The following RIMKLA variants were observed in gnomAD, a reference collection of about 807,000 sequenced individuals.
The protein encoded by RIMKLA is ribosomal modification protein rimK like family member A, also known as N-acetylaspartylglutamate synthase A.
Under a neutral mutation model 32.7 loss-of-function variants are expected in RIMKLA, and 14 were observed. That is an observed-to-expected ratio of 0.43 (90% CI 0.28 to 0.67). The LOEUF (loss-of-function observed/expected upper bound fraction) is 0.67, where lower values mean the gene tolerates loss of function less well. Ranked by LOEUF, RIMKLA falls within the 30% of genes least tolerant of loss-of-function variation. The pLI, the probability that RIMKLA is intolerant of heterozygous loss-of-function variation, is 0.18. For synonymous variants in RIMKLA, 176 were observed against 204.1 expected (o/e 0.86, Z 1.18); for missense variants, 410 against 519.0 (o/e 0.79, Z 2.04).
intron 1 of RIMKLA, among the ~76,000 whole-genome samples, chr1:42,398,274 G>A (rs1488204723): frequency 1.3e-5 from 2 of 152,174 alleles, no homozygotes; most frequent in African/African-American, 4.8e-5. Flanking sequence ...CTGTGCTCCT[G>A]TTCCTCTGAG....
intron 3 of RIMKLA, among the ~76,000 whole-genome samples, chr1:42,406,405 T>C (rs1483942513): frequency 6.6e-6 from 1 of 152,226 alleles, no homozygotes; most frequent in African/African-American, 2.4e-5. Flanking sequence ...TGGCAACCAC[T>C]GACCTATTAT....
chr1:42,409,787 G>C (rs1185196396), intron 3 of RIMKLA, among the ~76,000 whole-genome samples, 197 bp from the exon 4 acceptor site: 1 of 152,170 alleles, frequency 6.6e-6, no homozygotes, highest in Non-Finnish European at 1.5e-5. Context: ...GAGGGTATTA[G>C]GACCTGAGGA....
chr1:42,386,713 TAA>T (rs34046316), intron 1 of RIMKLA, among the ~76,000 whole-genome samples: 96 of 139,984 alleles, frequency 6.9e-4, no homozygotes, highest in Non-Finnish European at 6.2e-4. Flanking sequence ...CCGTCTCTAC[TAA>T]AAAAAAAAAA....
chr1:42,384,417 G>A (rs1642916400), intron 1 of RIMKLA, among the ~76,000 whole-genome samples: 1 of 150,802 alleles, frequency 6.6e-6, no homozygotes, highest in Non-Finnish European at 1.5e-5. Context: ...TCAACCCTAG[G>A]GATAAAGTGA....
intron 1 of RIMKLA, among the ~76,000 whole-genome samples, chr1:42,385,438 G>A (rs868756873): frequency 6.6e-5 from 10 of 152,120 alleles, no homozygotes; most frequent in African/African-American, 2.4e-4. Context: ...TTGTGTTACT[G>A]TTTGTCTCTT....
Position 42,381,055 on chromosome 1 carries a change from C to A in RIMKLA, c.121C>A (p.Leu41Ile). 7.6e-7 allele frequency: 1 copy of A among 1,314,798 alleles called. No homozygotes were observed. The highest frequency in any genetic ancestry group is 2.0e-5 in the South Asian group (1 of 49,730). The allele number at this position is 1,314,798 out of a possible 1,614,324, so 81.4% of individuals were successfully genotyped here. A position where few individuals can be genotyped will look rare whatever the true frequency, so the allele number is the denominator to read the frequency against. The change falls in exon 1 of 5, where the codon CTT becomes ATT. Residue 41 changes from leucine to isoleucine, a missense_variant. By Grantham distance (5) the Leu-to-Ile change is conservative. Coordinates refer to ENST00000431473, the MANE Select transcript of RIMKLA (RefSeq NM_173642.4). ...GCAGGACGTGCGCTTCCGGGCGGTGCTTATGGACCAGATCGCCGTCACCAT... is the reference window on the plus strand; with the variant it reads ...GCAGGACGTGCGCTTCCGGGCGGTGATTATGGACCAGATCGCCGTCACCAT... Reference protein sequence around the residue: ...SEQDVRFRAVLMDQIAVTIVG... With the variant: ...SEQDVRFRAVIMDQIAVTIVG...
intron 1 of RIMKLA, among the ~76,000 whole-genome samples, chr1:42,393,347 G>A (rs1204531597): frequency 6.6e-6 from 1 of 152,204 alleles, no homozygotes; most frequent in Non-Finnish European, 1.5e-5. Context: ...GCATATTTAA[G>A]TTGTGTATCT....
At chr1:42,387,034 T>G (rs1040038419) in intron 1 of RIMKLA, among the ~76,000 whole-genome samples, 3 of 150,834 alleles carry the variant, frequency 2.0e-5, no homozygotes, top group African/African-American at 7.3e-5. Context: ...GCCATTGCCC[T>G]CTACCCTGGG....
At chr1:42,400,551 A>G (rs1355872251) in intron 2 of RIMKLA, among the ~76,000 whole-genome samples, 2 of 152,244 alleles carry the variant, frequency 1.3e-5, no homozygotes, top group Non-Finnish European at 2.9e-5. Flanking sequence ...ATTGATTTAT[A>G]TGAAGAGTTT....
At chr1:42,396,944 G>A (rs984277696) in intron 1 of RIMKLA, among the ~76,000 whole-genome samples, 5 of 152,100 alleles carry the variant, frequency 3.3e-5, no homozygotes, top group Admixed American at 6.6e-5. Flanking sequence ...CTACACATGG[G>A]TTACTTTTAC....
intron 2 of RIMKLA, among the ~76,000 whole-genome samples, chr1:42,401,202 C>T (rs79232974): frequency 0.045 from 6,795 of 152,176 alleles, 462 homozygotes; most frequent in African/African-American, 0.15. Flanking sequence ...CTAATGCCGC[C>T]ACTGATCTGA....
At chr1:42,383,440 C>T (rs913241802) in intron 1 of RIMKLA, among the ~76,000 whole-genome samples, 1 of 152,132 alleles carries the variant, frequency 6.6e-6, no homozygotes, top group African/African-American at 2.4e-5. Flanking sequence ...ATAATAGTGG[C>T]CAGAATAGTG....
chr1:42,385,717 CTCTTTCTTTCTTTCTTTCTT>C (rs35500484), intron 1 of RIMKLA, among the ~76,000 whole-genome samples: 2,085 of 109,118 alleles, frequency 0.019, 65 homozygotes, highest in African/African-American at 0.039. Context: ...TTCTTTCCTT[CTCTTTCTTTCTTTCTTTCTT>C]TCTTTCTTTC....
At position 42,414,810 on chromosome 1, in the gene RIMKLA, A is replaced by C; in HGVS notation, c.1012A>C (p.Ser338Arg). 1 of 1,614,188 alleles carries C rather than the reference A, an allele frequency of 6.2e-7. No individual in the cohort carries two copies. Among genetic ancestry groups the C allele is most frequent in the Non-Finnish European group, 8.5e-7 (1 of 1,180,022 alleles). ...GCASAQGVAE[S>R]VYTINSGSTS... Reference sequence around the variant, plus strand: ...TGCTTCAGCTCAGGGAGTTGCAGAGAGCGTCTATACCATCAACAGTGGGTC... The same window carrying C: ...TGCTTCAGCTCAGGGAGTTGCAGAGCGCGTCTATACCATCAACAGTGGGTC... The change falls in exon 5 of 5, where the codon AGC (serine) becomes CGC (arginine). Residue 338 changes from serine (S) to arginine (R), a missense_variant. By Grantham distance (110) the Ser-to-Arg change is moderately radical. Coordinates refer to ENST00000431473, the MANE Select transcript of RIMKLA (RefSeq NM_173642.4).
chr1:42,383,082 C>T (rs112687107), intron 1 of RIMKLA, among the ~76,000 whole-genome samples: 2,939 of 151,314 alleles, frequency 0.019, 98 homozygotes, highest in African/African-American at 0.067. Flanking sequence ...GACAGAGTTT[C>T]ACCATGTTGG....
At chr1:42,386,910 A>AATAG (rs1642953814) in intron 1 of RIMKLA, among the ~76,000 whole-genome samples, 2 of 144,548 alleles carry the variant, frequency 1.4e-5, no homozygotes, top group African/African-American at 5.1e-5. Flanking sequence ...TAAATAAATA[A>AATAG]ATAAATATTA....
Position 42,411,494 on chromosome 1 carries a change from T to G in RIMKLA, c.685+1307T>G, listed in dbSNP as rs1437475376. On this transcript the variant is annotated intron_variant, in intron 4 of 4. Coordinates refer to ENST00000431473, the MANE Select transcript of RIMKLA (RefSeq NM_173642.4). ...TTTCTTTTTTTTGAGACAGTCTTGC[T>G]CTGTTGCACAGGCCAGAATGCAGTG... Among the ~76,000 whole-genome samples the G allele has an allele frequency of 3.3e-5, 5 of 151,136 alleles. 1 individual carries two copies. Among genetic ancestry groups the G allele is most frequent in the African/African-American group, 4.9e-5 (2 of 41,118 alleles).
At position 42,385,838 on chromosome 1, in the gene RIMKLA, TTCTTTC is replaced by T. The variant is rs771091918; in HGVS notation, c.163+4749_163+4754del. Among the ~76,000 whole-genome samples the T allele has an allele frequency of 7.2e-5, 5 of 69,490 alleles. 1 individual carries two copies. Among genetic ancestry groups the T allele is most frequent in the African/African-American group, 1.3e-4 (3 of 22,522 alleles). 45.6% of individuals were successfully genotyped at this position (69,490 alleles called of 152,430 possible). A position where few individuals can be genotyped will look rare whatever the true frequency, so the allele number is the denominator to read the frequency against. On this transcript the variant is annotated intron_variant, in intron 1 of 4. Coordinates refer to ENST00000431473, the MANE Select transcript of RIMKLA (RefSeq NM_173642.4). ...TTCCTTCCTTCCTTCCTTTCTTTCT[TTCTTTC>T]TCTTTCTTTCTTTCTTTCTTTCTTT...
chr1:42,416,089 G>GGGGT lies in RIMKLA; in HGVS notation c.*1118_*1119insTGGG, dbSNP rs1553177707. Reference sequence around the variant, plus strand: ...GGAATTACCCATTGCACATTTTGCGGGGGGGGGGGCTAATGTAGACATGAC... The same window carrying GGGGT: ...GGAATTACCCATTGCACATTTTGCGGGGGTGGGGGGGGGCTAATGTAGACATGAC... On this transcript the variant is annotated 3_prime_UTR_variant, in exon 5 of 5. Transcript: ENST00000431473. 8.5e-5 allele frequency: 5 copies of GGGGT among 58,770 alleles called. 1 individual carries two copies. The highest frequency in any genetic ancestry group is 1.7e-4 in the Non-Finnish European group (5 of 29,238). The allele number at this position is 58,770 out of a possible 1,614,324, so 3.6% of individuals were successfully genotyped here. A position where few individuals can be genotyped will look rare whatever the true frequency, so the allele number is the denominator to read the frequency against.
Sources: allele counts gnomAD v4.1 joint callset (sites outside exome capture counted in the v4.1 genomes callset), GRCh38; gene constraint gnomAD v4.1.1; transcripts MANE v1.5; gene names NCBI Gene and HGNC (gene_info 2026-07-23, HGNC 2026-07-21).